VPS8: variants seen among roughly 807,000 people sequenced by gnomAD.
VPS8 encodes the protein vacuolar protein sorting-associated protein 8 homolog.
Under a neutral mutation model 216.4 loss-of-function variants are expected in VPS8, and 129 were observed. The observed-to-expected ratio is 0.60, with a 90% CI of 0.52 to 0.69. The LOEUF (loss-of-function observed/expected upper bound fraction) is 0.69. VPS8 is among the 30% of genes least tolerant of loss of function. VPS8 has a pLI of 0.00. For missense variants in VPS8, 1,531 were observed against 1,683.5 expected, an observed-to-expected ratio of 0.91 and a Z score of 1.59; for synonymous variants, 571 against 565.4, an observed-to-expected ratio of 1.01 and a Z score of -0.14.
chr3:184,870,248 C>T (rs1476581067), intron 20 of VPS8, among the ~76,000 whole-genome samples: 3 of 152,142 alleles, frequency 2.0e-5, no homozygotes, highest in Admixed American at 1.3e-4. Context: ...CCTTCTGTTC[C>T]TACTCTAGAC....
intron 40 of VPS8, among the ~76,000 whole-genome samples, chr3:184,979,001 T>G (rs1473762470): frequency 6.6e-6 from 1 of 152,250 alleles, no homozygotes; most frequent in East Asian, 1.9e-4. Flanking sequence ...ATGCTGTATC[T>G]TTGTTTTCAT....
At chr3:184,902,348 T>C (rs1702022740) in intron 25 of VPS8, among the ~76,000 whole-genome samples, 1 of 150,988 alleles carries the variant, frequency 6.6e-6, no homozygotes. Flanking sequence ...TGGTGGTGGG[T>C]GCCTGTAGTC....
intron 10 of VPS8, among the ~76,000 whole-genome samples, chr3:184,851,979 A>G (rs776546229): frequency 1.3e-5 from 2 of 152,210 alleles, no homozygotes; most frequent in Non-Finnish European, 2.9e-5. Context: ...GAAGAAGATC[A>G]AGGAGGTAGC....
At chr3:184,893,472 A>G in intron 22 of VPS8, 2 of 643,914 alleles carry the variant, frequency 3.1e-6, no homozygotes, top group South Asian at 2.7e-5. Flanking sequence ...AAAGAAGTGA[A>G]TGATACAAGG....
At chr3:184,849,251 C>A (rs2305240) in intron 9 of VPS8, 56 bp downstream of exon 9, 373,070 of 1,572,726 alleles carry the variant, frequency 0.24, 49,995 homozygotes, top group East Asian at 0.6. Flanking sequence ...GATGAATTTA[C>A]AAAAACTTAC....
rs1336333658 is a variant in VPS8 at position 185,052,199 on chromosome 3, G to A, written c.*174G>A. Reference sequence around the variant, plus strand: ...GCACCATTCCCAGTGTAGACTCCCAGTCTTCTCCACATTGCTGTCATGGCG... The same window carrying A: ...GCACCATTCCCAGTGTAGACTCCCAATCTTCTCCACATTGCTGTCATGGCG... On this transcript the variant is annotated 3_prime_UTR_variant, in exon 48 of 48. Coordinates refer to ENST00000625842, the MANE Select transcript of VPS8 (RefSeq NM_001009921.3). 2.8e-5 allele frequency: 17 copies of A among 605,622 alleles called. No individual in the cohort carries two copies. The East Asian group carries it at 5.2e-4, about 18-fold the overall frequency. 37.5% of individuals were successfully genotyped at this position (605,622 alleles called of 1,614,324 possible).
chr3:185,050,698 A>G (rs1331949582), intron 47 of VPS8, among the ~76,000 whole-genome samples: 1 of 152,224 alleles, frequency 6.6e-6, no homozygotes, highest in Non-Finnish European at 1.5e-5. Context: ...AAGACACTTG[A>G]TACAGTCACC....
intron 18 of VPS8, among the ~76,000 whole-genome samples, chr3:184,868,630 G>A (rs1035800564): frequency 6.6e-6 from 1 of 152,142 alleles, no homozygotes; most frequent in African/African-American, 2.4e-5. Context: ...TCTCAAATAA[G>A]CTTGGGGTTT....
At chr3:184,812,690 A>G (rs1199744696) in intron 1 of VPS8, 2 of 152,170 alleles carry the variant, frequency 1.3e-5, no homozygotes, top group African/African-American at 4.8e-5. Flanking sequence ...GTCCTGTTAC[A>G]GTCGTGCGGC....
At chr3:185,032,833 T>C (rs1758362761) in intron 46 of VPS8, among the ~76,000 whole-genome samples, 1 of 151,914 alleles carries the variant, frequency 6.6e-6, no homozygotes, top group Non-Finnish European at 1.5e-5. Context: ...GCCCAGCTAA[T>C]TTTTTTTGTA....
At chr3:185,025,341 G>A (rs876069) in intron 46 of VPS8, among the ~76,000 whole-genome samples, 7,956 of 152,080 alleles carry the variant, frequency 0.052, 650 homozygotes, top group African/African-American at 0.18. Flanking sequence ...TCTAATAGTC[G>A]AAGTGTTTCT....
In VPS8 at chr3:184,849,152, A is replaced by G. The variant is rs375080939; in HGVS notation, c.623A>G (p.Asn208Ser). 120 of 1,613,692 alleles carry G rather than the reference A, an allele frequency of 7.4e-5. No homozygotes were observed. Among genetic ancestry groups the G allele is most frequent in the Middle Eastern group, 1.6e-4 (1 of 6,062 alleles). The change falls in exon 9 of 48, where the codon AAC becomes AGC. Residue 208 changes from asparagine to serine, a missense_variant. Around this residue, in one of 3 missense-constraint regions of VPS8, gnomAD observed 1,318 missense variants for 1,468.4 expected, o/e 0.90. Transcript: ENST00000625842. The stretch of plus-strand genomic sequence containing the variant: ...GGCGCTATCTCTGCCCTCAGTATCA[A>G]CAATGATTGCTCAAGACTTCTTTGT... The part of the protein sequence containing the change: ...QYGAISALSI[N>S]NDCSRLLCGF...
intron 8 of VPS8, among the ~76,000 whole-genome samples, chr3:184,845,755 C>CA (rs36003760): frequency 0.35 from 27,999 of 80,166 alleles, 4,009 homozygotes; most frequent in East Asian, 0.68. Context: ...AACTCCGTCT[C>CA]AAAAAAAAAA....
chr3:184,958,818 T>G (rs186113388), intron 37 of VPS8, among the ~76,000 whole-genome samples: 1 of 152,336 alleles, frequency 6.6e-6, no homozygotes, highest in Admixed American at 6.5e-5. Flanking sequence ...TAATGTTTAC[T>G]GTAGTTTTTT....
rs796102315 is a variant in VPS8, at chr3:184,886,472, C to T, written c.1781+316C>T. On this transcript the variant is annotated intron_variant, in intron 22 of 47. Transcript: ENST00000625842. ...GATTCATTATATGTATATATATATA[C>T]ACACACACACGCATATATACACACA... Among the ~76,000 whole-genome samples, 85 of 135,398 alleles carry T rather than the reference C, an allele frequency of 6.3e-4. No individual in the cohort carries two copies. The East Asian group carries it at 8.7e-3, about 14-fold the overall frequency. The allele number at this position is 135,398 out of a possible 152,430, so 88.8% of individuals were successfully genotyped here.
At chr3:184,938,828 G>GACCA (rs989748253) in intron 35 of VPS8, among the ~76,000 whole-genome samples, 1 of 151,644 alleles carries the variant, frequency 6.6e-6, no homozygotes, top group African/African-American at 2.4e-5. Context: ...AGGAGCTCAA[G>GACCA]ACCAGCCTGG....
intron 39 of VPS8, among the ~76,000 whole-genome samples, chr3:184,967,327 T>C (rs556533397): frequency 1.3e-5 from 2 of 152,270 alleles, no homozygotes; most frequent in East Asian, 3.9e-4. Context: ...TTAAATGAGG[T>C]ATATAACTAA....
At chr3:185,017,200 A>G (rs920238603) in intron 45 of VPS8, among the ~76,000 whole-genome samples, 1 of 152,078 alleles carries the variant, frequency 6.6e-6, no homozygotes, top group Non-Finnish European at 1.5e-5. Flanking sequence ...CACAATGCAA[A>G]ATATAACTAC....
intron 43 of VPS8, among the ~76,000 whole-genome samples, chr3:184,995,919 A>G (rs1752557251): frequency 6.6e-6 from 1 of 152,246 alleles, no homozygotes; most frequent in Non-Finnish European, 1.5e-5. Context: ...TCAGTAAAAA[A>G]TCTGGGATTC....
Sources: gnomAD v4.1 joint callset for allele counts (sites outside exome capture counted in the v4.1 genomes callset) on GRCh38, gnomAD v4.1.1 for gene constraint, gnomAD v4.1.1 regional missense constraint, MANE v1.5 for transcripts, NCBI Gene and HGNC (gene_info 2026-07-23, HGNC 2026-07-21) for gene names.